UBR3: variants seen among roughly 807,000 people sequenced by gnomAD.
UBR3 encodes E3 ubiquitin-protein ligase UBR3.
UBR3 carries 85 observed loss-of-function variants against 243.2 expected under a neutral mutation model. The observed-to-expected ratio is 0.35, with a 90% CI of 0.29 to 0.42. The LOEUF (loss-of-function observed/expected upper bound fraction) is 0.42. Among genes scored for constraint, UBR3 ranks in the 10% least tolerant of loss-of-function variants. The pLI is 1.00. For missense variants in UBR3, 1,686 were observed against 2,300.8 expected (o/e 0.73, Z 5.47); for synonymous variants, 748 against 799.8 (o/e 0.94, Z 1.09).
At chr2:170,040,791 T>C (rs916837547) in intron 31 of UBR3, 91 bp from the exon 32 acceptor site, 4 of 1,024,692 alleles carry the variant, frequency 3.9e-6, no homozygotes, top group Non-Finnish European at 5.5e-6. Context: ...AAGTTTTTAT[T>C]TCTGTTCCAT....
chr2:169,853,154 T>C lies in UBR3; in HGVS notation c.546-19082T>C, dbSNP rs10209670. ...AAAGGTGAGAGGGAGTAGTTACTTA[T>C]GAATGCTTGAGAAAATGGTGCTGTC... On this transcript the variant is annotated intron_variant, in intron 1 of 38. Coordinates refer to ENST00000272793, the MANE Select transcript of UBR3 (RefSeq NM_172070.4). 3.9e-3 allele frequency among the ~76,000 whole-genome samples: 601 copies of C among 152,280 alleles called. 1 individual carries two copies. The highest frequency in any genetic ancestry group is 0.014 in the African/African-American group (568 of 41,558).
chr2:169,977,869 C>T (rs2088529837), intron 24 of UBR3, among the ~76,000 whole-genome samples: 1 of 152,170 alleles, frequency 6.6e-6, no homozygotes, highest in South Asian at 2.1e-4. Context: ...TATTTCCTTG[C>T]TTTTTCATGT....
At chr2:169,964,449 G>C (rs917959171) in intron 24 of UBR3, 2 of 469,954 alleles carry the variant, frequency 4.3e-6, no homozygotes, top group Admixed American at 4.7e-5. Context: ...ACCCAGAGCA[G>C]ATTGGGTGGT....
At chr2:169,872,455 T>C in intron 2 of UBR3, 80 bp downstream of exon 2, 2 of 984,836 alleles carry the variant, frequency 2.0e-6, no homozygotes, top group Non-Finnish European at 2.9e-6. Context: ...ATGAGGTGAA[T>C]TTTTTTAGAT....
At chr2:169,953,547 G>C (rs1212857210) in intron 23 of UBR3, among the ~76,000 whole-genome samples, 2 of 152,208 alleles carry the variant, frequency 1.3e-5, no homozygotes, top group Non-Finnish European at 2.9e-5. Context: ...GCCAGAACTT[G>C]TATATGTTCT....
chr2:169,856,318 G>A (rs2082859482), intron 1 of UBR3, among the ~76,000 whole-genome samples: 1 of 151,318 alleles, frequency 6.6e-6, no homozygotes, highest in African/African-American at 2.4e-5. Flanking sequence ...ACGGGATGAT[G>A]GCCGGGAAGA....
chr2:169,933,853 A>C (rs2086227277), intron 19 of UBR3, among the ~76,000 whole-genome samples: 1 of 150,570 alleles, frequency 6.6e-6, no homozygotes, highest in Admixed American at 6.7e-5. Context: ...CCTCCCCCAA[A>C]CAAAACCAAA....
At chr2:170,058,898 T>C (rs1278048132) in intron 33 of UBR3, among the ~76,000 whole-genome samples, 3 of 152,180 alleles carry the variant, frequency 2.0e-5, no homozygotes, top group African/African-American at 7.2e-5. Flanking sequence ...ATCCAAAACA[T>C]ATTGAAATCA....
In UBR3 at chr2:169,994,509, C is replaced by T. The variant is rs567037150; in HGVS notation, c.3918+53C>T. On this transcript the variant is annotated intron_variant, in intron 26 of 38. Transcript: ENST00000272793. The stretch of plus-strand genomic sequence containing the variant: ...TTGTCTGCCAAGTTGATGGTTATTT[C>T]CCTCCAGAATTTTACATGTCTTTTA... The T allele has an allele frequency of 6.4e-6, 10 of 1,550,648 alleles. No homozygotes were observed. The African/African-American group carries it at 8.1e-5, about 13-fold the overall frequency.
chr2:169,829,573 A>G (rs1321494356), intron 1 of UBR3, among the ~76,000 whole-genome samples: 17 of 151,802 alleles, frequency 1.1e-4, no homozygotes, highest in Non-Finnish European at 2.9e-5. Context: ...ACAGTCATGC[A>G]CTACCACGCC....
intron 30 of UBR3, among the ~76,000 whole-genome samples, chr2:170,027,625 G>A (rs887387885): frequency 2.0e-5 from 3 of 151,764 alleles, no homozygotes; most frequent in Non-Finnish European, 3.0e-5. Flanking sequence ...CTTTGATCAA[G>A]TTAATACCTA....
intron 7 of UBR3, among the ~76,000 whole-genome samples, chr2:169,895,957 TA>T (rs200539633): frequency 2.1e-4 from 31 of 144,550 alleles, no homozygotes; most frequent in Admixed American, 4.2e-4. Flanking sequence ...TTATATCTGC[TA>T]AAAAAAAAAA....
intron 24 of UBR3, among the ~76,000 whole-genome samples, chr2:169,973,971 A>C (rs10180260): frequency 1.3e-5 from 2 of 151,958 alleles, no homozygotes; most frequent in African/African-American, 4.8e-5. Flanking sequence ...TTTGTCCTTC[A>C]TTGTGTTGCT....
intron 24 of UBR3, among the ~76,000 whole-genome samples, chr2:169,967,007 T>C (rs2087842894): frequency 6.6e-6 from 1 of 152,192 alleles, no homozygotes; most frequent in African/African-American, 2.4e-5. Flanking sequence ...TTTTTGTATG[T>C]TAACTGTGTA....
intron 32 of UBR3, among the ~76,000 whole-genome samples, chr2:170,051,377 C>A (rs2091212989): frequency 6.6e-6 from 1 of 152,118 alleles, no homozygotes; most frequent in African/African-American, 2.4e-5. Flanking sequence ...GAATTTCACT[C>A]TTGTTGCCCA....
chr2:169,986,632 T>C lies in UBR3; in HGVS notation c.3635-13T>C. 1.3e-6 allele frequency: 2 copies of C among 1,599,930 alleles called. No individual in the cohort carries two copies. Among genetic ancestry groups the C allele is most frequent in the South Asian group, 2.3e-5 (2 of 87,750 alleles). ...TCCTAAGGAATTAAAGAGATGTAAC[T>C]TTTTTCCCTCAGATTCTCCTGAGAA... On this transcript the variant is annotated splice_polypyrimidine_tract_variant and intron_variant, in intron 24 of 38. Transcript: ENST00000272793.
At chr2:170,053,733 G>A (rs1216794141) in intron 32 of UBR3, among the ~76,000 whole-genome samples, 2 of 152,160 alleles carry the variant, frequency 1.3e-5, no homozygotes, top group Non-Finnish European at 2.9e-5. Context: ...ACAGGACTTG[G>A]TGATTATTTT....
rs10169965 is a variant in UBR3, at chr2:170,058,225, G to A, written c.4785+2641G>A. On this transcript the variant is annotated intron_variant, in intron 33 of 38. Transcript: ENST00000272793. ...TTTCTTCATTGAATTTCACTTATTC[G>A]CTTCATCTCTTTAATTGCTTATGTT... Among the ~76,000 whole-genome samples the A allele has an allele frequency of 9.3e-3, 1,398 of 150,932 alleles. 23 individuals are homozygous for A. The highest frequency in any genetic ancestry group is 0.032 in the African/African-American group (1,307 of 41,052).
At chr2:170,035,913 G>A (rs1000428466) in intron 31 of UBR3, among the ~76,000 whole-genome samples, 2 of 125,850 alleles carry the variant, frequency 1.6e-5, no homozygotes, top group Non-Finnish European at 3.7e-5. Flanking sequence ...ATTTTATTGG[G>A]GGGGGGGTTG....
Sources: gnomAD v4.1 joint callset for allele counts (sites outside exome capture counted in the v4.1 genomes callset) on GRCh38, gnomAD v4.1.1 for gene constraint, MANE v1.5 for transcripts, NCBI Gene and HGNC (gene_info 2026-07-23, HGNC 2026-07-21) for gene names.